Variants in NBAS observed in about 807,000 individuals in gnomAD.
The protein encoded by NBAS is NBAS subunit of NRZ tethering complex.
A neutral mutation model predicts 302.5 loss-of-function variants in NBAS; 219 were observed. The observed-to-expected ratio is 0.72, with a 90% CI of 0.65 to 0.81. The LOEUF (loss-of-function observed/expected upper bound fraction) is 0.81. Ranked by LOEUF, NBAS falls within the 30% of genes least tolerant of loss-of-function variation. The pLI is 0.00. For synonymous variants in NBAS, 1,118 were observed against 1,021.6 expected (o/e 1.09, Z -1.80); for missense variants, 2,932 against 2,841.6 (o/e 1.03, Z -0.72).
intron 44 of NBAS, among the ~76,000 whole-genome samples, chr2:15,246,838 C>A (rs1668114490): frequency 6.6e-6 from 1 of 152,140 alleles, no homozygotes; most frequent in African/African-American, 2.4e-5. Context: ...CAAGGCCCTG[C>A]CCCTGGGTAT....
At chr2:14,780,672 C>T in the NBAS span, among the ~76,000 whole-genome samples, 571 of 152,242 alleles carry the variant, frequency 3.8e-3, 1 homozygote, top group Non-Finnish European at 6.6e-3. Context: ...TTTTTGTCTC[C>T]CAGAGATCTT....
chr2:15,174,933 A>G (rs1664462279), intron 51 of NBAS, among the ~76,000 whole-genome samples: 1 of 152,144 alleles, frequency 6.6e-6, no homozygotes, highest in Admixed American at 6.5e-5. Flanking sequence ...TCAAGGAGAA[A>G]CCCTTAATTA....
At chr2:15,428,941 G>C (rs1677619528) in intron 21 of NBAS, among the ~76,000 whole-genome samples, 1 of 152,012 alleles carries the variant, frequency 6.6e-6, no homozygotes, top group Non-Finnish European at 1.5e-5. Context: ...AGGAGGCTGA[G>C]GCAGGAGAAT....
chr2:14,858,261 A>T, the NBAS span, among the ~76,000 whole-genome samples: 1 of 152,164 alleles, frequency 6.6e-6, no homozygotes, highest in African/African-American at 2.4e-5. Context: ...GAGGTTCCTC[A>T]AAAAACTAAA....
chr2:15,398,229 T>C (rs1336953582), intron 26 of NBAS, among the ~76,000 whole-genome samples: 1 of 152,066 alleles, frequency 6.6e-6, no homozygotes, highest in Admixed American at 6.6e-5. Flanking sequence ...CTGCAACCTC[T>C]GTGTCCTGGG....
At chr2:15,061,726 T>C in the NBAS span, among the ~76,000 whole-genome samples, 2 of 152,204 alleles carry the variant, frequency 1.3e-5, no homozygotes, top group African/African-American at 2.4e-5. Context: ...TTTCCAGCTC[T>C]GTGAGTGGTG....
the NBAS span, among the ~76,000 whole-genome samples, chr2:14,814,323 C>T: frequency 4.6e-5 from 7 of 152,200 alleles, no homozygotes; most frequent in South Asian, 2.1e-4. Context: ...CCTAGAAAAG[C>T]CACAGGCACT....
At chr2:15,318,292 A>C (rs925255872) in intron 38 of NBAS, among the ~76,000 whole-genome samples, 12 of 152,254 alleles carry the variant, frequency 7.9e-5, no homozygotes, top group Non-Finnish European at 1.6e-4. Context: ...CTGTAAAAAC[A>C]TGCCAAATTG....
At chr2:15,523,043 T>C (rs1364336695) in intron 9 of NBAS, among the ~76,000 whole-genome samples, 3 of 152,222 alleles carry the variant, frequency 2.0e-5, no homozygotes, top group African/African-American at 4.8e-5. Flanking sequence ...AGCTGCAGAT[T>C]CAACCTATGG....
chr2:15,536,801 T>C (rs564279800), intron 7 of NBAS, among the ~76,000 whole-genome samples: 3 of 152,080 alleles, frequency 2.0e-5, no homozygotes, highest in Non-Finnish European at 4.4e-5. Flanking sequence ...TTCACCTACA[T>C]AGGAAATTTC....
At chr2:15,363,328 T>C (rs1319758095) in intron 32 of NBAS, among the ~76,000 whole-genome samples, 4 of 152,224 alleles carry the variant, frequency 2.6e-5, no homozygotes, top group Non-Finnish European at 5.9e-5. Context: ...AGACCAGGTA[T>C]CTAAACTACT....
At chr2:15,375,283 G>T (rs1264191347) in intron 30 of NBAS, among the ~76,000 whole-genome samples, 1 of 152,172 alleles carries the variant, frequency 6.6e-6, no homozygotes. Flanking sequence ...CTAAGAATGT[G>T]GGATTCCCAT....
chr2:15,491,449 C>G (rs1680849673), intron 11 of NBAS, among the ~76,000 whole-genome samples: 1 of 152,088 alleles, frequency 6.6e-6, no homozygotes, highest in Non-Finnish European at 1.5e-5. Context: ...TAAAAATACA[C>G]AGGTTGGCCA....
chr2:15,511,408 CAAAG>C (rs1662139551), intron 9 of NBAS, 58 bp from the exon 10 acceptor site: 3 of 1,504,946 alleles, frequency 2.0e-6, no homozygotes, highest in Admixed American at 3.4e-5. Flanking sequence ...AAGAGCAAAA[CAAAG>C]AGAGCAGAAA....
rs1680442197 is a variant in NBAS at position 15,481,887 on chromosome 2, A to G, written c.1084-3598T>C. Among the ~76,000 whole-genome samples the G allele has an allele frequency of 2.0e-5, 3 of 152,304 alleles. 1 individual carries two copies. In the South Asian group the frequency reaches 6.2e-4, roughly 32 times the overall value. On this transcript the variant is annotated intron_variant, in intron 12 of 51. Transcript: ENST00000281513. ...TAGAACTCCTCCCCCAAAGGAAGCT[A>G]TAAAACCTAAAAACATCGCTCTCTC...
At chr2:14,786,306 T>A in the NBAS span, among the ~76,000 whole-genome samples, 1 of 152,046 alleles carries the variant, frequency 6.6e-6, no homozygotes, top group South Asian at 2.1e-4. Flanking sequence ...AAGGGTTTTT[T>A]GTGTCTCTAT....
chr2:14,869,912 C>G, the NBAS span, among the ~76,000 whole-genome samples: 1 of 152,164 alleles, frequency 6.6e-6, no homozygotes, highest in Non-Finnish European at 1.5e-5. Context: ...GGACTTTCAT[C>G]ACAGAGTCAA....
the NBAS span, among the ~76,000 whole-genome samples, chr2:14,854,607 C>G: frequency 6.6e-6 from 1 of 151,748 alleles, no homozygotes; most frequent in Admixed American, 6.6e-5. Flanking sequence ...CAGCATGGTT[C>G]AGAGAGTATC....
At chr2:15,101,681 T>C in the NBAS span, among the ~76,000 whole-genome samples, 2 of 152,178 alleles carry the variant, frequency 1.3e-5, no homozygotes, top group African/African-American at 4.8e-5. Flanking sequence ...TGGAGAAACA[T>C]GGATTTCTTT....
Sources: gnomAD v4.1 joint callset for allele counts (sites outside exome capture counted in the v4.1 genomes callset) on GRCh38, gnomAD v4.1.1 for gene constraint, MANE v1.5 for transcripts, NCBI Gene and HGNC (gene_info 2026-07-23, HGNC 2026-07-21) for gene names.